STARD9: variants seen among roughly 807,000 people sequenced by gnomAD.
STARD9 encodes StAR related lipid transfer domain containing 9.
In STARD9, 346 loss-of-function variants were observed where a neutral mutation model predicts 399.8. The observed-to-expected ratio is 0.87, with a 90% CI of 0.79 to 0.95. The LOEUF is 0.95. Ranked by LOEUF, STARD9 falls within the 40% of genes least tolerant of loss-of-function variation. The pLI is 0.00. For synonymous variants in STARD9, 2,203 were observed against 2,143.5 expected (o/e 1.03, Z -0.77); for missense variants, 5,832 against 5,667.5 (o/e 1.03, Z -0.93).
At chr15:42,631,956 A>G (rs2059340581) in intron 3 of STARD9, among the ~76,000 whole-genome samples, 1 of 152,148 alleles carries the variant, frequency 6.6e-6, no homozygotes, top group Non-Finnish European at 1.5e-5. Flanking sequence ...TATTAGTTCC[A>G]TTTGGTTTAC....
chr15:42,718,086 G>T lies in STARD9; in HGVS notation c.13669G>T (p.Ala4557Ser). ...GTCCCAGCCGCTGTCTCGTGTGTGG[G>T]CGGCTGTCAGTGACCCCACTGTGTG... ...VVSQPLSRVWAAVSDPTVWPL... is the reference protein window; with the variant it reads ...VVSQPLSRVWSAVSDPTVWPL... The change falls in exon 30 of 33, where the codon GCG becomes TCG. Residue 4557 changes from alanine to serine, a missense_variant. Physicochemically the swap from Ala to Ser is moderately conservative, Grantham distance 99 (BLOSUM62 1). This residue lies in a region of STARD9 where 5,828 missense variants were observed against 5,651.1 expected (regional missense o/e 1.03). Coordinates refer to ENST00000290607, the MANE Select transcript of STARD9 (RefSeq NM_020759.3). 6.5e-7 allele frequency: 1 copy of T among 1,537,242 alleles called. No individual in the cohort carries two copies. The highest frequency in any genetic ancestry group is 8.7e-7 in the Non-Finnish European group (1 of 1,146,914).
chr15:42,637,479 T>C (rs1471473340), intron 4 of STARD9, among the ~76,000 whole-genome samples: 1 of 152,112 alleles, frequency 6.6e-6, no homozygotes, highest in Non-Finnish European at 1.5e-5. Context: ...CCTCCCAAAG[T>C]GCTGGGATTA....
rs747838458 is a variant in STARD9, at chr15:42,718,124, C to T, written c.13707C>T (p.Tyr4569=). 1.7e-5 allele frequency: 26 copies of T among 1,537,256 alleles called. No homozygotes were observed. The South Asian group carries it at 3.1e-4, about 18-fold the overall frequency. ...ACCCCACTGTGTGGCCCCTGTATTA[C>T]AAGCCCATCCAGACAGCAAGGCTGC... The part of the protein sequence containing the change: ...VSDPTVWPLY[Y]KPIQTARLHQ... The change falls in exon 30 of 33, where the codon TAC becomes TAT. Residue 4569 remains tyrosine, a synonymous_variant. Coordinates refer to ENST00000290607, the MANE Select transcript of STARD9 (RefSeq NM_020759.3).
At chr15:42,636,453 C>T (rs145273773) in intron 4 of STARD9, among the ~76,000 whole-genome samples, 59 of 151,982 alleles carry the variant, frequency 3.9e-4, no homozygotes, top group African/African-American at 1.4e-3. Flanking sequence ...TGGTGGCGTG[C>T]GCCTGTAATC....
intron 3 of STARD9, among the ~76,000 whole-genome samples, chr15:42,626,451 TCTTC>T (rs1444247275): frequency 6.6e-6 from 1 of 150,760 alleles, no homozygotes; most frequent in Non-Finnish European, 1.5e-5. Flanking sequence ...CTCCTCCTCC[TCTTC>T]CTTCTCCTCT....
In STARD9 at chr15:42,718,105, C is replaced by T. The variant is rs1462262099; in HGVS notation, c.13688C>T (p.Thr4563Ile). Reference protein sequence around the residue: ...SRVWAAVSDPTVWPLYYKPIQ... With the variant: ...SRVWAAVSDPIVWPLYYKPIQ... ...GTGTGGGCGGCTGTCAGTGACCCCA[C>T]TGTGTGGCCCCTGTATTACAAGCCC... is the stretch of plus-strand genomic sequence containing the variant. The change falls in exon 30 of 33, where the codon ACT (threonine) becomes ATT (isoleucine). Residue 4563 changes from threonine to isoleucine, a missense_variant. Physicochemically the swap from Thr to Ile is moderately conservative, Grantham distance 89. Transcript: ENST00000290607. 3 of 1,537,134 alleles carry T rather than the reference C, an allele frequency of 2.0e-6. No homozygotes were observed. The highest frequency in any genetic ancestry group is 3.9e-5 in the Admixed American group (2 of 50,978).
intron 26 of STARD9, among the ~76,000 whole-genome samples, chr15:42,716,417 C>T (rs1218115460): frequency 6.6e-6 from 1 of 152,176 alleles, no homozygotes; most frequent in East Asian, 1.9e-4. Context: ...TACTCTCAGG[C>T]CCTGGTTGTT....
intron 3 of STARD9, among the ~76,000 whole-genome samples, chr15:42,589,950 T>C (rs2058361252): frequency 6.8e-6 from 1 of 146,194 alleles, no homozygotes; most frequent in Admixed American, 6.9e-5. Context: ...CTAACCTTGA[T>C]TCTTTTTTTT....
chr15:42,687,174 T>C lies in STARD9; in HGVS notation c.5596T>C (p.Cys1866Arg), dbSNP rs2140245866. The C allele has an allele frequency of 6.5e-7, 1 of 1,537,422 alleles. No individual in the cohort carries two copies. Among genetic ancestry groups the C allele is most frequent in the East Asian group, 2.4e-5 (1 of 40,930 alleles). The change falls in exon 23 of 33, where the codon TGT (cysteine) becomes CGT (arginine). Residue 1866 changes from cysteine to arginine, a missense_variant. Physicochemically the swap from Cys to Arg is radical, Grantham distance 180 (BLOSUM62 -3). Around this residue, in one of 2 missense-constraint regions of STARD9, gnomAD observed 5,828 missense variants for 5,651.1 expected, o/e 1.03. Transcript: ENST00000290607. The stretch of plus-strand genomic sequence containing the variant: ...TCTCCCCTCTACCAGCACAAAAGTA[T>C]GTGAATTTGAAAACCAAGTTGTAAT... ...HFLPSTSTKV[C>R]EFENQVVILN...
In STARD9 at chr15:42,712,081, T is replaced by TATATATAAAA. The variant is rs57090140; in HGVS notation, c.13285-4596_13285-4595insATATATAAAA. Among the ~76,000 whole-genome samples the TATATATAAAA allele has an allele frequency of 1.0e-4, 4 of 39,154 alleles. No individual in the cohort carries two copies. In the African/African-American group the frequency reaches 1.3e-3, roughly 13 times the overall value. The allele number at this position is 39,154 out of a possible 152,430, so 25.7% of individuals were successfully genotyped here. On this transcript the variant is annotated intron_variant, in intron 26 of 32. Transcript: ENST00000290607. ...GCATCTTTTTATATATATATATATA[T>TATATATAAAA]TATATATATATATATAATATATAAT...
Position 42,686,018 on chromosome 15 carries a change from T to C in STARD9, c.4440T>C (p.His1480=). ...CCTTGACTCATGTAGGCAGCACCCATGAAAGGGATTGGTCTGCCCTTCAGC... is the reference window on the plus strand; with the variant it reads ...CCTTGACTCATGTAGGCAGCACCCACGAAAGGGATTGGTCTGCCCTTCAGC... ...ATTLTHVGST[H]ERDWSALQQK... is the part of the protein sequence containing the mutation. The change falls in exon 23 of 33, where the codon CAT becomes CAC. Residue 1480 remains histidine, a synonymous_variant. Transcript: ENST00000290607. 6.5e-7 allele frequency: 1 copy of C among 1,537,292 alleles called. No individual in the cohort carries two copies.
intron 8 of STARD9, 130 bp downstream of exon 8, chr15:42,651,215 G>GCT: frequency 1.8e-6 from 1 of 561,260 alleles, no homozygotes; most frequent in African/African-American, 1.9e-5. Context: ...CAACCAGGAG[G>GCT]CTCTTCCCAG....
chr15:42,675,816 CT>C, intron 19 of STARD9, 55 bp from the exon 20 acceptor site: 1 of 1,533,414 alleles, frequency 6.5e-7, no homozygotes, highest in South Asian at 1.2e-5. Context: ...AAAAGCCAAG[CT>C]GGGAGAGGTG....
chr15:42,630,959 G>C (rs2059321317), intron 3 of STARD9, among the ~76,000 whole-genome samples: 1 of 146,910 alleles, frequency 6.8e-6, no homozygotes, highest in Admixed American at 6.8e-5. Flanking sequence ...TTTTGTGTTT[G>C]ATTCGCTCTT....
At chr15:42,593,589 T>C (rs1438627189) in intron 3 of STARD9, among the ~76,000 whole-genome samples, 1 of 151,770 alleles carries the variant, frequency 6.6e-6, no homozygotes, top group East Asian at 1.9e-4. Flanking sequence ...GAGATTTTTG[T>C]CTGAATTCAA....
intron 7 of STARD9, among the ~76,000 whole-genome samples, chr15:42,640,342 A>C (rs941312720): frequency 1.3e-5 from 2 of 152,188 alleles, no homozygotes; most frequent in African/African-American, 4.8e-5. Flanking sequence ...TCTGCTACCT[A>C]TGTCTTTTCC....
At position 42,687,958 on chromosome 15, in the gene STARD9, A is replaced by T; in HGVS notation, c.6380A>T (p.Asp2127Val). The T allele has an allele frequency of 1.3e-6, 2 of 1,537,390 alleles. No homozygotes were observed. Among genetic ancestry groups the T allele is most frequent in the Non-Finnish European group, 1.7e-6 (2 of 1,146,956 alleles). The change falls in exon 23 of 33, where the codon GAT becomes GTT. Residue 2127 changes from aspartate to valine, a missense_variant. This residue lies in a region of STARD9 where 5,828 missense variants were observed against 5,651.1 expected (regional missense o/e 1.03). Transcript: ENST00000290607. Reference protein sequence around the residue: ...PRQTDDTVFRDSEAGAMEVNS... With the variant: ...PRQTDDTVFRVSEAGAMEVNS... ...CAGACAGATGATACTGTCTTTAGGG[A>T]TAGTGAAGCTGGAGCGATGGAGGTT...
intron 31 of STARD9, 114 bp from the exon 32 acceptor site, chr15:42,718,638 G>C: frequency 7.0e-7 from 1 of 1,429,274 alleles, no homozygotes; most frequent in Non-Finnish European, 9.5e-7. Flanking sequence ...AGCCAGGGTA[G>C]GGGTGGCTTG....
intron 26 of STARD9, among the ~76,000 whole-genome samples, chr15:42,712,086 T>TAAA (rs375563568): frequency 0.017 from 536 of 31,272 alleles, 71 homozygotes; most frequent in African/African-American, 0.077. Flanking sequence ...ATATATTATA[T>TAAA]ATATATATAT....
Sources: allele counts gnomAD v4.1 joint callset (sites outside exome capture counted in the v4.1 genomes callset), GRCh38; gene constraint gnomAD v4.1.1; regional missense constraint gnomAD v4.1.1; transcripts MANE v1.5; gene names NCBI Gene and HGNC (gene_info 2026-07-23, HGNC 2026-07-21).